MYPN: variants seen among roughly 807,000 people sequenced by gnomAD.
MYPN encodes sarcomeric protein myopalladin, 145 kDa (MYOP).
MYPN carries 63 observed loss-of-function variants against 129.4 expected under a neutral mutation model. The ratio of observed to expected loss-of-function variants is 0.49; its 90% CI spans 0.40 to 0.60. MYPN has a LOEUF of 0.60. MYPN is among the 20% of genes least tolerant of loss of function. The pLI, the probability that MYPN is intolerant of heterozygous loss-of-function variation, is 0.00. For synonymous variants in MYPN, 629 were observed against 600.9 expected (o/e 1.05, Z -0.68); for missense variants, 1,596 against 1,635.4 (o/e 0.98, Z 0.42).
At chr10:68,142,809 T>G (rs959854544) in intron 2 of MYPN, 131 bp from the exon 3 acceptor site, 1 of 887,834 alleles carries the variant, frequency 1.1e-6, no homozygotes, top group Non-Finnish European at 1.9e-6. Flanking sequence ...AAAATAATGT[T>G]ATAATGATGG....
At chr10:68,147,563 T>TC (rs2042688820) in intron 4 of MYPN, among the ~76,000 whole-genome samples, 1 of 152,212 alleles carries the variant, frequency 6.6e-6, no homozygotes. Context: ...ATCCATGGGT[T>TC]ACAGGTGAGA....
chr10:68,120,365 T>C (rs781724562), intron 1 of MYPN, among the ~76,000 whole-genome samples: 1 of 152,176 alleles, frequency 6.6e-6, no homozygotes, highest in Non-Finnish European at 1.5e-5. Flanking sequence ...ATAGGTAATA[T>C]CATATAATTA....
At chr10:68,152,178 G>A (rs905999763) in intron 6 of MYPN, among the ~76,000 whole-genome samples, 8 of 152,168 alleles carry the variant, frequency 5.3e-5, no homozygotes, top group Admixed American at 1.3e-4. Context: ...AGAGACCAAG[G>A]TTTTATCATG....
intron 12 of MYPN, among the ~76,000 whole-genome samples, chr10:68,187,111 C>T (rs953352362): frequency 6.6e-6 from 1 of 152,080 alleles, no homozygotes; most frequent in Non-Finnish European, 1.5e-5. Context: ...GTGGCTCACA[C>T]CTGTAATCCC....
chr10:68,171,988 A>C (rs1046021223), intron 10 of MYPN, among the ~76,000 whole-genome samples: 1 of 152,254 alleles, frequency 6.6e-6, no homozygotes, highest in Non-Finnish European at 1.5e-5. Context: ...TATCTTAAGA[A>C]TTCAAAATCC....
intron 6 of MYPN, among the ~76,000 whole-genome samples, chr10:68,155,882 G>A (rs1431293251): frequency 6.6e-6 from 1 of 152,180 alleles, no homozygotes; most frequent in Non-Finnish European, 1.5e-5. Flanking sequence ...CAGACATTAG[G>A]AGGCCCATTC....
upstream of MYPN, among the ~76,000 whole-genome samples, chr10:68,107,466 A>G (rs930886176): frequency 8.7e-5 from 13 of 150,170 alleles, no homozygotes; most frequent in African/African-American, 2.9e-4. Context: ...TCAGCCTCCC[A>G]AGGAGCTGGG....
chr10:68,117,225 A>T (rs2042170770), intron 1 of MYPN, among the ~76,000 whole-genome samples: 2 of 140,344 alleles, frequency 1.4e-5, no homozygotes, highest in South Asian at 4.5e-4. Context: ...ACTCTGTCTT[A>T]AAAAAAAAAA....
At chr10:68,114,353 T>C (rs1362171893) in intron 1 of MYPN, 1 of 151,246 alleles carries the variant, frequency 6.6e-6, no homozygotes, top group African/African-American at 2.4e-5. Context: ...TTTTCTTTTT[T>C]TTTTTTTTGA....
chr10:68,161,788 G>C, intron 8 of MYPN, 36 bp downstream of exon 8: 1 of 1,507,370 alleles, frequency 6.6e-7, no homozygotes. Context: ...ATTAGTATAT[G>C]AGTGATTTTA....
At position 68,206,897 on chromosome 10, in the gene MYPN, A is replaced by G. The variant is rs368963031; in HGVS notation, c.3787A>G (p.Ile1263Val). ...CGTGTCGTGCACTGCCAGGCTGGAT[A>G]TATACGGTAAGTGTAATGCTGTTAG... ...GIVSCTARLD[I>V]YAQWHHQIPP... Residue 1263 changes from isoleucine to valine, a missense_variant, in exon 19 of 20, where the codon ATA (isoleucine) becomes GTA (valine). Transcript: ENST00000358913. 1 of 1,614,168 alleles carries G rather than the reference A, an allele frequency of 6.2e-7. No homozygotes were observed. The highest frequency in any genetic ancestry group is 8.5e-7 in the Non-Finnish European group (1 of 1,180,036).
intron 1 of MYPN, among the ~76,000 whole-genome samples, chr10:68,119,336 T>A (rs1282967959): frequency 6.6e-6 from 1 of 152,106 alleles, no homozygotes; most frequent in Non-Finnish European, 1.5e-5. Context: ...TATCATGTGA[T>A]AAACACCTTT....
rs2043719272 is a variant in MYPN at position 68,201,854 on chromosome 10, G to A, written c.3519G>A (p.Val1173=). Residue 1173 remains valine, a synonymous_variant, in exon 18 of 20, where the codon GTG becomes GTA. Transcript: ENST00000358913. ...CCAAAGAGGTGAAGAAAGCACCTGT[G>A]ATCCTGGAGAAACTACAGAACTGCG... ...VVAKEVKKAP[V]ILEKLQNCGV... 6.2e-7 allele frequency: 1 copy of A among 1,614,076 alleles called. No individual in the cohort carries two copies. The highest frequency in any genetic ancestry group is 8.5e-7 in the Non-Finnish European group (1 of 1,180,018).
At chr10:68,172,821 C>G (rs1029480521) in intron 10 of MYPN, among the ~76,000 whole-genome samples, 6 of 152,018 alleles carry the variant, frequency 3.9e-5, no homozygotes, top group African/African-American at 1.5e-4. Flanking sequence ...GCCTGTAATC[C>G]CACCAGTTTG....
intron 18 of MYPN, among the ~76,000 whole-genome samples, chr10:68,204,921 T>A (rs2043788365): frequency 6.6e-6 from 1 of 151,714 alleles, no homozygotes. Flanking sequence ...CTGTAAGGAA[T>A]ATGCCATGAT....
intron 10 of MYPN, among the ~76,000 whole-genome samples, chr10:68,168,970 C>G (rs1479978410): frequency 8.5e-6 from 1 of 117,404 alleles, no homozygotes; most frequent in Admixed American, 1.1e-4. Context: ...CCAGCGTGGG[C>G]GACAGAATGA....
At chr10:68,159,532 A>G (rs2042938467) in intron 7 of MYPN, among the ~76,000 whole-genome samples, 1 of 152,136 alleles carries the variant, frequency 6.6e-6, no homozygotes, top group Non-Finnish European at 1.5e-5. Flanking sequence ...TTTTATTGTA[A>G]GAATTATTTA....
intron 8 of MYPN, chr10:68,165,388 G>A (rs951274195): frequency 2.0e-5 from 9 of 454,794 alleles, no homozygotes; most frequent in African/African-American, 1.8e-4. Context: ...GGAGGCGGAG[G>A]TTGCAGTGAG....
Position 68,211,239 on chromosome 10 carries a change from G to A in MYPN, c.*784G>A, listed in dbSNP as rs960367991. The A allele has an allele frequency of 9.3e-5, 42 of 454,042 alleles. No homozygotes were observed. The highest frequency in any genetic ancestry group is 1.9e-4 in the Non-Finnish European group (42 of 226,784). The allele number at this position is 454,042 out of a possible 1,614,324, so 28.1% of individuals were successfully genotyped here. On this transcript the variant is annotated 3_prime_UTR_variant, in exon 20 of 20. Coordinates refer to ENST00000358913, the MANE Select transcript of MYPN (RefSeq NM_032578.4). Reference sequence around the variant, plus strand: ...GGATTGGTAATAAACCAATCAGAAAGAAATCCTCTGTGGGGTCACTTTAAA... The same window carrying A: ...GGATTGGTAATAAACCAATCAGAAAAAAATCCTCTGTGGGGTCACTTTAAA...
Sources: allele counts gnomAD v4.1 joint callset (sites outside exome capture counted in the v4.1 genomes callset), GRCh38; gene constraint gnomAD v4.1.1; transcripts MANE v1.5; gene names NCBI Gene and HGNC (gene_info 2026-07-23, HGNC 2026-07-21).